The following LRP1B variants were observed in gnomAD, a reference collection of about 807,000 sequenced individuals.
The protein encoded by LRP1B is low-density lipoprotein receptor-related protein 1B.
LRP1B carries 217 observed loss-of-function variants against 556.6 expected under a neutral mutation model. The ratio of observed to expected loss-of-function variants is 0.39; its 90% confidence interval spans 0.35 to 0.44. The LOEUF is 0.44. LRP1B is among the 20% of genes least tolerant of loss of function. The pLI is 1.00. For synonymous variants in LRP1B, 2,047 were observed against 1,865.8 expected (o/e 1.10, Z -2.50); for missense variants, 5,053 against 5,620.8 (o/e 0.90, Z 3.23).
At chr2:141,528,332 G>T (rs1217606047) in intron 2 of LRP1B, among the ~76,000 whole-genome samples, 1 of 151,646 alleles carries the variant, frequency 6.6e-6, no homozygotes, top group African/African-American at 2.4e-5. Flanking sequence ...TGAGATCTTT[G>T]GACAAGTTGT....
At chr2:141,289,381 C>CAAAA (rs34784985) in intron 3 of LRP1B, among the ~76,000 whole-genome samples, 10 of 43,456 alleles carry the variant, frequency 2.3e-4, no homozygotes, top group East Asian at 7.7e-4. Context: ...GACTCCATCT[C>CAAAA]AAAAAAAAAA....
At chr2:141,892,030 C>A (rs1699308172) in intron 1 of LRP1B, among the ~76,000 whole-genome samples, 1 of 151,828 alleles carries the variant, frequency 6.6e-6, no homozygotes. Flanking sequence ...ATATAAAAAT[C>A]ATCAGTCTCG....
intron 7 of LRP1B, among the ~76,000 whole-genome samples, chr2:141,103,784 T>A (rs1700529839): frequency 6.6e-6 from 1 of 151,458 alleles, no homozygotes; most frequent in African/African-American, 2.4e-5. Flanking sequence ...AAGCAATATA[T>A]AATAGATATA....
intron 3 of LRP1B, among the ~76,000 whole-genome samples, chr2:141,390,016 T>C (rs1689987607): frequency 6.6e-6 from 1 of 152,140 alleles, no homozygotes; most frequent in Non-Finnish European, 1.5e-5. Context: ...CATGTGCCTG[T>C]AATCCCAGCT....
Position 141,917,317 on chromosome 2 carries a change from T to C in LRP1B, c.83-106916A>G, listed in dbSNP as rs935136940. Among the ~76,000 whole-genome samples, 15 of 152,282 alleles carry C rather than the reference T, an allele frequency of 9.9e-5. No homozygotes were observed. In the East Asian group the frequency reaches 1.7e-3, roughly 18 times the overall value. ...AAATCCAAGGAACGCTATTAACAAC[T>C]GAGAAATGCCCCCAAACATGGATGT... On this transcript the variant is annotated intron_variant, in intron 1 of 90. Transcript: ENST00000389484.
chr2:140,668,399 A>AT (rs569341044), intron 41 of LRP1B, among the ~76,000 whole-genome samples: 26 of 147,496 alleles, frequency 1.8e-4, no homozygotes, highest in East Asian at 1.6e-3. Context: ...TACTTCGGTC[A>AT]TTTTTTTTGA....
chr2:140,743,961 G>T (rs549940141), intron 35 of LRP1B, among the ~76,000 whole-genome samples: 42 of 49,236 alleles, frequency 8.5e-4, no homozygotes, highest in African/African-American at 3.4e-3. Flanking sequence ...GTGAGACTTG[G>T]TCTCAAAAAA....
intron 3 of LRP1B, among the ~76,000 whole-genome samples, chr2:141,339,175 A>G (rs996430966): frequency 6.6e-6 from 1 of 151,150 alleles, no homozygotes; most frequent in South Asian, 2.1e-4. Context: ...ACTTTTTTCA[A>G]AAAAGATATT....
chr2:140,796,255 A>C (rs1559124363), intron 32 of LRP1B, among the ~76,000 whole-genome samples: 1 of 152,066 alleles, frequency 6.6e-6, no homozygotes, highest in African/African-American at 2.4e-5. Context: ...GGTATGGTTT[A>C]ATTATTCCAT....
chr2:142,017,354 G>A (rs1440444933), intron 1 of LRP1B, among the ~76,000 whole-genome samples: 25 of 152,064 alleles, frequency 1.6e-4, no homozygotes, highest in Admixed American at 1.2e-3. Context: ...CTTTTGTTAT[G>A]AATGTATTTA....
At chr2:141,508,501 G>A (rs1684011350) in intron 2 of LRP1B, among the ~76,000 whole-genome samples, 1 of 152,076 alleles carries the variant, frequency 6.6e-6, no homozygotes, top group African/African-American at 2.4e-5. Context: ...CTTACACTTA[G>A]CCTAGCTAGG....
chr2:141,389,400 G>T (rs1689962785), intron 3 of LRP1B, among the ~76,000 whole-genome samples: 1 of 152,086 alleles, frequency 6.6e-6, no homozygotes, highest in African/African-American at 2.4e-5. Flanking sequence ...ATGGTGCTGG[G>T]ATAACCAGAT....
At chr2:142,003,448 A>G (rs1208131055) in intron 1 of LRP1B, among the ~76,000 whole-genome samples, 1 of 152,190 alleles carries the variant, frequency 6.6e-6, no homozygotes, top group African/African-American at 2.4e-5. Flanking sequence ...CCACCCTTTC[A>G]GTGGACATAG....
At chr2:142,005,885 T>TGAAAAAAAAAAA (rs1702785731) in intron 1 of LRP1B, among the ~76,000 whole-genome samples, 1 of 133,030 alleles carries the variant, frequency 7.5e-6, no homozygotes, top group African/African-American at 2.8e-5. Flanking sequence ...TATCCTCTCA[T>TGAAAAAAAAAAA]GAAAAAAAAA....
intron 7 of LRP1B, among the ~76,000 whole-genome samples, chr2:141,154,166 ATAGTT>A (rs1702009758): frequency 6.6e-6 from 1 of 151,858 alleles, no homozygotes; most frequent in African/African-American, 2.4e-5. Flanking sequence ...TGAAAAGACT[ATAGTT>A]TAAAGAATGA....
At chr2:140,382,444 A>G (rs1683557812) in intron 67 of LRP1B, among the ~76,000 whole-genome samples, 3 of 152,176 alleles carry the variant, frequency 2.0e-5, no homozygotes, top group Non-Finnish European at 1.5e-5. Context: ...AGATATGTTG[A>G]GATTTCTCAA....
intron 2 of LRP1B, among the ~76,000 whole-genome samples, chr2:141,538,637 T>TC (rs1491383312): frequency 4.0e-5 from 3 of 74,762 alleles, no homozygotes; most frequent in African/African-American, 3.6e-5. Context: ...GAAAAAAACT[T>TC]CTTTTTTTTT....
intron 1 of LRP1B, among the ~76,000 whole-genome samples, chr2:141,872,690 T>C (rs913588331): frequency 4.0e-5 from 6 of 151,716 alleles, no homozygotes; most frequent in African/African-American, 1.2e-4. Context: ...AACAATTATA[T>C]TGTAAAAATA....
At chr2:141,379,391 A>C (rs1003558617) in intron 3 of LRP1B, among the ~76,000 whole-genome samples, 3 of 152,190 alleles carry the variant, frequency 2.0e-5, no homozygotes, top group Non-Finnish European at 4.4e-5. Flanking sequence ...GAGTGATGCC[A>C]ATCATGTGCC....
Sources: allele counts gnomAD v4.1 joint callset (sites outside exome capture counted in the v4.1 genomes callset), GRCh38; gene constraint gnomAD v4.1.1; transcripts MANE v1.5; gene names NCBI Gene and HGNC (gene_info 2026-07-23, HGNC 2026-07-21).